CIT: variants seen among roughly 807,000 people sequenced by gnomAD.
CIT encodes the protein citron rho-interacting serine/threonine kinase, also known as citron Rho-interacting kinase.
In CIT, 79 loss-of-function variants were observed where a neutral mutation model predicts 272.7. The observed-to-expected ratio is 0.29, with a 90% CI of 0.24 to 0.35. The LOEUF (loss-of-function observed/expected upper bound fraction) is 0.35, where lower values mean the gene tolerates loss of function less well. Ranked by LOEUF, CIT falls within the 10% of genes least tolerant of loss-of-function variation. The pLI is 1.00. For synonymous variants in CIT, 948 were observed against 995.6 expected (o/e 0.95, Z 0.90); for missense variants, 1,909 against 2,618.3 (o/e 0.73, Z 5.91).
At chr12:119,693,380 A>G (rs144579556) in intron 46 of CIT, among the ~76,000 whole-genome samples, 172 of 152,328 alleles carry the variant, frequency 1.1e-3, no homozygotes, top group African/African-American at 4.0e-3. Flanking sequence ...CTATAAGCCA[A>G]GAGATAACCA....
chr12:119,845,074 T>C (rs1363426708), intron 5 of CIT, among the ~76,000 whole-genome samples: 1 of 151,352 alleles, frequency 6.6e-6, no homozygotes, highest in Admixed American at 6.6e-5. Context: ...GAGCCGAGAT[T>C]GCGCCACTGA....
Position 119,714,345 on chromosome 12 carries a change from A to G in CIT, c.4169-11T>C, listed in dbSNP as rs373223600. The G allele has an allele frequency of 1.8e-5, 29 of 1,613,730 alleles. No individual in the cohort carries two copies. The highest frequency in any genetic ancestry group is 2.4e-5 in the Non-Finnish European group (28 of 1,179,794). ...GACGCCGACTAAATTCTGGAGGAAA[A>G]TGTTTTAAAAAATCATTAGAGTACT... is the stretch of plus-strand genomic sequence containing the variant. On this transcript the variant is annotated splice_polypyrimidine_tract_variant and intron_variant, in intron 32 of 47. Coordinates refer to ENST00000392521, the MANE Select transcript of CIT (RefSeq NM_001206999.2).
At position 119,717,838 on chromosome 12, in the gene CIT, C is replaced by CTTTTTTTTTTTTTTT. The variant is rs10699099; in HGVS notation, c.4168+392_4168+406dup. Among the ~76,000 whole-genome samples, 35 of 81,346 alleles carry CTTTTTTTTTTTTTTT rather than the reference C, an allele frequency of 4.3e-4. 7 individuals are homozygous for CTTTTTTTTTTTTTTT. The highest frequency in any genetic ancestry group is 1.0e-3 in the South Asian group (2 of 1,968). The allele number at this position is 81,346 out of a possible 152,430, so 53.4% of individuals were successfully genotyped here. A position where few individuals can be genotyped will look rare whatever the true frequency, so the allele number is the denominator to read the frequency against. Reference sequence around the variant, plus strand: ...GGGGAGCCAGGAGACTGACTTCTTTCTTTTTTTTTTTTTTTTTTTTGAGAT... The same window carrying CTTTTTTTTTTTTTTT: ...GGGGAGCCAGGAGACTGACTTCTTTCTTTTTTTTTTTTTTTTTTTTTTTTTTTTTTTTTTTGAGAT... On this transcript the variant is annotated intron_variant, in intron 32 of 47. Coordinates refer to ENST00000392521, the MANE Select transcript of CIT (RefSeq NM_001206999.2).
At chr12:119,744,853 A>G (rs1319508350) in intron 23 of CIT, among the ~76,000 whole-genome samples, 1 of 152,170 alleles carries the variant, frequency 6.6e-6, no homozygotes, top group Non-Finnish European at 1.5e-5. Flanking sequence ...AGAAGAAAAG[A>G]TTAGTGAACT....
chr12:119,768,047 G>A lies in CIT; in HGVS notation c.2209-865C>T, dbSNP rs1446741142. Among the ~76,000 whole-genome samples the A allele has an allele frequency of 1.3e-5, 2 of 152,008 alleles. No homozygotes were observed. The highest frequency in any genetic ancestry group is 4.8e-5 in the African/African-American group (2 of 41,370). ...ATGTCTCAGTCTCCCAAGTAGCTGG[G>A]ATTATAGGCATGCGCCACCATGCCC... On this transcript the variant is annotated intron_variant, in intron 18 of 47. Coordinates refer to ENST00000392521, the MANE Select transcript of CIT (RefSeq NM_001206999.2). The surrounding 1 kb of genome is among the most constrained non-coding windows in gnomAD (Gnocchi z 4.3).
At chr12:119,841,177 CTT>C (rs746369072) in intron 5 of CIT, among the ~76,000 whole-genome samples, 25 of 142,476 alleles carry the variant, frequency 1.8e-4, no homozygotes, top group Non-Finnish European at 2.2e-4. Context: ...TTTATTTAAC[CTT>C]TTTTTTTTTT....
At chr12:119,715,151 C>T (rs1226192039) in intron 32 of CIT, among the ~76,000 whole-genome samples, 1 of 152,222 alleles carries the variant, frequency 6.6e-6, no homozygotes, top group Non-Finnish European at 1.5e-5. Flanking sequence ...GTCACCGCCA[C>T]ATGAGACATG....
chr12:119,738,886 G>T (rs74956154), intron 24 of CIT, among the ~76,000 whole-genome samples: 2 of 121,888 alleles, frequency 1.6e-5, no homozygotes, highest in South Asian at 2.7e-4. Flanking sequence ...TCAATCTCCA[G>T]AAAAAAAAAA....
chr12:119,747,213 G>A (rs1959549678), intron 23 of CIT, among the ~76,000 whole-genome samples: 2 of 152,020 alleles, frequency 1.3e-5, no homozygotes, highest in Non-Finnish European at 2.9e-5. Flanking sequence ...ACAAGGTCAG[G>A]AGTTCGAGAC....
In CIT at chr12:119,721,429, C is replaced by G. The variant is rs1957809908; in HGVS notation, c.3612G>C (p.Gln1204His). The G allele has an allele frequency of 6.2e-7, 1 of 1,608,774 alleles. No homozygotes were observed. Among genetic ancestry groups the G allele is most frequent in the Admixed American group, 1.7e-5 (1 of 59,926 alleles). Reference protein sequence around the residue: ...LLEEQAKLQQQMDLQKNHIFR... With the variant: ...LLEEQAKLQQHMDLQKNHIFR... ...AAATGTGATTTTTCTGCAGGTCCATCTGCTGCTGTAATTTGGCTTGCTAGT... is the reference window on the plus strand; with the variant it reads ...AAATGTGATTTTTCTGCAGGTCCATGTGCTGCTGTAATTTGGCTTGCTAGT... Residue 1204 changes from glutamine (Q) to histidine (H), a missense_variant, in exon 29 of 48, where the codon CAG becomes CAC. Physicochemically the swap from Gln to His is conservative, Grantham distance 24 (BLOSUM62 0). Coordinates refer to ENST00000392521, the MANE Select transcript of CIT (RefSeq NM_001206999.2).
At chr12:119,789,174 A>G (rs868290820) in intron 10 of CIT, among the ~76,000 whole-genome samples, 1 of 152,182 alleles carries the variant, frequency 6.6e-6, no homozygotes, top group African/African-American at 2.4e-5. Flanking sequence ...GGGAAGCAAC[A>G]TTTGTATTAA....
intron 8 of CIT, among the ~76,000 whole-genome samples, chr12:119,824,832 G>A (rs892777619): frequency 6.6e-6 from 1 of 152,030 alleles, no homozygotes; most frequent in Non-Finnish European, 1.5e-5. Context: ...GTCTCACTCC[G>A]TTGCCCAGGC....
At chr12:119,849,297 C>T (rs963124174) in intron 5 of CIT, among the ~76,000 whole-genome samples, 12 of 151,984 alleles carry the variant, frequency 7.9e-5, no homozygotes, top group African/African-American at 2.2e-4. Flanking sequence ...CGTGGTGACA[C>T]GTGCCTGTAA....
intron 10 of CIT, among the ~76,000 whole-genome samples, chr12:119,790,567 G>A (rs188987271): frequency 8.5e-5 from 13 of 152,130 alleles, no homozygotes; most frequent in African/African-American, 2.2e-4. Context: ...TTCTCTAAGC[G>A]TGTGTGTGAG....
chr12:119,731,720 T>C (rs1404727936), intron 26 of CIT, among the ~76,000 whole-genome samples: 1 of 151,408 alleles, frequency 6.6e-6, no homozygotes, highest in Non-Finnish European at 1.5e-5. Flanking sequence ...TAAATTCAAA[T>C]GCTATGATCT....
chr12:119,693,232 T>G (rs1252643484), intron 46 of CIT, among the ~76,000 whole-genome samples: 1 of 152,170 alleles, frequency 6.6e-6, no homozygotes, highest in African/African-American at 2.4e-5. Flanking sequence ...ACATCAATTT[T>G]ATGGTTTTTT....
Position 119,776,845 on chromosome 12 carries a change from A to G in CIT, c.1666-3T>C. On this transcript the variant is annotated splice_polypyrimidine_tract_variant and splice_region_variant and intron_variant, in intron 13 of 47. Transcript: ENST00000392521. ...TCTTCCACTTGAGCCTGGTACTCCT[A>G]AAGAGCAGGCAATGAAATAAAAGAG... The G allele has an allele frequency of 4.3e-6, 7 of 1,613,584 alleles. No homozygotes were observed. The highest frequency in any genetic ancestry group is 5.9e-6 in the Non-Finnish European group (7 of 1,179,936).
At chr12:119,841,621 C>A (rs1200561561) in intron 5 of CIT, among the ~76,000 whole-genome samples, 3 of 152,342 alleles carry the variant, frequency 2.0e-5, no homozygotes, top group Non-Finnish European at 4.4e-5. Flanking sequence ...GCTAGACGTG[C>A]AGTCACATGA....
intron 2 of CIT, among the ~76,000 whole-genome samples, chr12:119,871,873 T>A (rs182086554): frequency 6.6e-6 from 1 of 152,300 alleles, no homozygotes; most frequent in Admixed American, 6.5e-5. Flanking sequence ...GAGTCAGACC[T>A]CAATCAGGTT....
Sources: gnomAD v4.1 joint callset for allele counts (sites outside exome capture counted in the v4.1 genomes callset) on GRCh38, gnomAD v4.1.1 for gene constraint, Gnocchi (gnomAD v3.1) non-coding constraint, MANE v1.5 for transcripts, NCBI Gene and HGNC (gene_info 2026-07-23, HGNC 2026-07-21) for gene names.